The following AKAP6 variants were observed in gnomAD, a reference collection of about 807,000 sequenced individuals.
The protein encoded by AKAP6 is A-kinase anchor protein 6.
A neutral mutation model predicts 188.5 loss-of-function variants in AKAP6; 58 were observed. The observed-to-expected ratio is 0.31, with a 90% CI of 0.25 to 0.38. The LOEUF (loss-of-function observed/expected upper bound fraction) is 0.38, where lower values mean the gene tolerates loss of function less well. AKAP6 is among the 10% of genes least tolerant of loss of function. The pLI, the probability that AKAP6 is intolerant of heterozygous loss-of-function variation, is 1.00. For missense variants in AKAP6, 2,710 were observed against 2,740.0 expected (o/e 0.99, Z 0.24); for synonymous variants, 989 against 998.6 (o/e 0.99, Z 0.18).
intron 1 of AKAP6, among the ~76,000 whole-genome samples, chr14:32,343,261 G>A (rs924000190): frequency 3.3e-5 from 4 of 123,032 alleles, no homozygotes; most frequent in Admixed American, 1.4e-4. Context: ...TAGAAACAAC[G>A]TGTGTAAAGC....
In AKAP6 at chr14:32,535,758, A is replaced by G. The variant is rs756224416; in HGVS notation, c.529A>G (p.Thr177Ala). The part of the protein sequence containing the change: ...QGLQDANGNY[T>A]RQTDILQAFS... ...TCTGCAGGACGCCAATGGCAACTAC[A>G]CTAGGCAGACGGACATTCTGCAAGC... Residue 177 changes from threonine (T) to alanine (A), a missense_variant, in exon 3 of 14, where the codon ACT (threonine) becomes GCT (alanine). Coordinates refer to ENST00000280979, the MANE Select transcript of AKAP6 (RefSeq NM_004274.5). 21 of 1,613,956 alleles carry G rather than the reference A, an allele frequency of 1.3e-5. No homozygotes were observed. In the Admixed American group the frequency reaches 1.5e-4, roughly 12 times the overall value.
intron 7 of AKAP6, among the ~76,000 whole-genome samples, chr14:32,667,362 A>C (rs148235726): frequency 6.6e-6 from 1 of 152,054 alleles, no homozygotes; most frequent in African/African-American, 2.4e-5. Flanking sequence ...ATGGTTCCCT[A>C]CTGACACACT....
intron 11 of AKAP6, among the ~76,000 whole-genome samples, chr14:32,742,549 G>T (rs1402676514): frequency 6.6e-6 from 1 of 151,736 alleles, no homozygotes; most frequent in Non-Finnish European, 1.5e-5. Context: ...GTATCCCATA[G>T]GTTTTGGTAT....
chr14:32,400,233 T>G (rs1889038112), intron 1 of AKAP6, among the ~76,000 whole-genome samples: 1 of 131,222 alleles, frequency 7.6e-6, no homozygotes, highest in Non-Finnish European at 1.8e-5. Flanking sequence ...GTGGGTGGAT[T>G]TTTTTTTTTT....
At chr14:32,368,877 AAG>A (rs1422091364) in intron 1 of AKAP6, among the ~76,000 whole-genome samples, 4 of 125,806 alleles carry the variant, frequency 3.2e-5, no homozygotes, top group Non-Finnish European at 6.6e-5. Context: ...TATTAAGAAG[AAG>A]AAAAAAAAAA....
At chr14:32,811,934 T>C (rs1381580234) in intron 12 of AKAP6, among the ~76,000 whole-genome samples, 1 of 152,222 alleles carries the variant, frequency 6.6e-6, no homozygotes, top group Admixed American at 6.5e-5. Flanking sequence ...AAACTTCACT[T>C]GTTTACATGA....
At chr14:32,346,230 C>T (rs17392498) in intron 1 of AKAP6, among the ~76,000 whole-genome samples, 11,420 of 152,088 alleles carry the variant, frequency 0.075, 531 homozygotes, top group Non-Finnish European at 0.085. Flanking sequence ...CATGCTGGAG[C>T]TTCATGAGAT....
At chr14:32,718,022 C>T (rs776345042) in intron 9 of AKAP6, among the ~76,000 whole-genome samples, 4 of 152,092 alleles carry the variant, frequency 2.6e-5, no homozygotes, top group African/African-American at 9.7e-5. Flanking sequence ...TTACATTATA[C>T]TCTTAGGGCC....
At chr14:32,528,688 T>G (rs1319912081) in intron 2 of AKAP6, among the ~76,000 whole-genome samples, 1 of 152,140 alleles carries the variant, frequency 6.6e-6, no homozygotes, top group African/African-American at 2.4e-5. Flanking sequence ...ATTATTATTA[T>G]TATTTTTTAG....
intron 2 of AKAP6, among the ~76,000 whole-genome samples, chr14:32,490,938 A>G (rs1449165326): frequency 2.0e-5 from 3 of 152,212 alleles, no homozygotes; most frequent in African/African-American, 4.8e-5. Context: ...TGCAAATAGT[A>G]TTATCAGTGA....
chr14:32,437,743 C>A (rs1023026947), intron 2 of AKAP6, among the ~76,000 whole-genome samples: 8 of 152,042 alleles, frequency 5.3e-5, no homozygotes, highest in Non-Finnish European at 1.2e-4. Flanking sequence ...ACTACAAGTG[C>A]ATGCCACTAT....
intron 7 of AKAP6, among the ~76,000 whole-genome samples, chr14:32,646,719 T>A (rs1160182945): frequency 6.6e-6 from 1 of 152,110 alleles, no homozygotes; most frequent in Non-Finnish European, 1.5e-5. Context: ...CTTTCTTTTC[T>A]CCCCTTCTTG....
chr14:32,696,185 A>T, intron 9 of AKAP6, 75 bp downstream of exon 9: 1 of 1,487,826 alleles, frequency 6.7e-7, no homozygotes, highest in South Asian at 1.4e-5. Flanking sequence ...TCTCTCTCTC[A>T]GGATATCTTT....
intron 7 of AKAP6, among the ~76,000 whole-genome samples, chr14:32,651,209 C>T (rs1395273591): frequency 3.9e-5 from 6 of 152,102 alleles, no homozygotes; most frequent in African/African-American, 7.2e-5. Context: ...AACTATGCAA[C>T]GTCTGCCTTG....
intron 9 of AKAP6, among the ~76,000 whole-genome samples, chr14:32,724,990 TAAAAAAAAAAAA>T (rs71432079): frequency 8.6e-5 from 3 of 34,912 alleles, no homozygotes; most frequent in African/African-American, 1.3e-4. Flanking sequence ...ATATTCAACC[TAAAAAAAAAAAA>T]AAAAAAAAAA....
intron 7 of AKAP6, among the ~76,000 whole-genome samples, chr14:32,623,651 T>C (rs1886900030): frequency 6.6e-6 from 1 of 152,144 alleles, no homozygotes; most frequent in Admixed American, 6.6e-5. Flanking sequence ...GGGTCAAGCC[T>C]GGAGACAGAG....
chr14:32,622,491 A>G (rs1886853816), intron 7 of AKAP6, among the ~76,000 whole-genome samples: 1 of 152,150 alleles, frequency 6.6e-6, no homozygotes, highest in South Asian at 2.1e-4. Flanking sequence ...TAAGAAAAAT[A>G]TAAGGTGCTG....
intron 7 of AKAP6, among the ~76,000 whole-genome samples, chr14:32,647,402 T>G (rs1471913998): frequency 6.6e-6 from 1 of 152,104 alleles, no homozygotes; most frequent in East Asian, 1.9e-4. Flanking sequence ...ACATGACCAT[T>G]TCTGTTTCCT....
At chr14:32,410,033 G>C (rs1230220277) in intron 1 of AKAP6, among the ~76,000 whole-genome samples, 3 of 152,016 alleles carry the variant, frequency 2.0e-5, no homozygotes, top group Non-Finnish European at 2.9e-5. Context: ...TAACAAATAA[G>C]GAAGGAAATC....
Sources: gnomAD v4.1 joint callset for allele counts (sites outside exome capture counted in the v4.1 genomes callset) on GRCh38, gnomAD v4.1.1 for gene constraint, MANE v1.5 for transcripts, NCBI Gene and HGNC (gene_info 2026-07-23, HGNC 2026-07-21) for gene names.